Variants in LARP1B observed in about 807,000 individuals in gnomAD.
LARP1B encodes la-related protein 1B.
Under a neutral mutation model 114.2 loss-of-function variants are expected in LARP1B, and 76 were observed. The observed-to-expected ratio is 0.67, with a 90% CI of 0.55 to 0.81. The LOEUF (loss-of-function observed/expected upper bound fraction) is 0.81. Ranked by LOEUF, LARP1B falls within the 30% of genes least tolerant of loss-of-function variation. LARP1B has a pLI of 0.00. For missense variants in LARP1B, 1,014 were observed against 1,075.8 expected (o/e 0.94, Z 0.80); for synonymous variants, 345 against 348.0 (o/e 0.99, Z 0.10).
intron 8 of LARP1B, among the ~76,000 whole-genome samples, chr4:128,098,767 A>ATATATATATATAT (rs1328165907): frequency 1.7e-4 from 6 of 35,036 alleles, no homozygotes; most frequent in East Asian, 1.3e-3. Context: ...ATATATATAT[A>ATATATATATATAT]TTTTTTTTTT....
chr4:128,176,220 A>ATTTATATAAATATATAC (rs1745998022), intron 12 of LARP1B, among the ~76,000 whole-genome samples: 1 of 142,984 alleles, frequency 7.0e-6, no homozygotes, highest in Non-Finnish European at 1.5e-5. Flanking sequence ...TTTATATATA[A>ATTTATATAAATATATAC]ATTTATATAT....
upstream of LARP1B, among the ~76,000 whole-genome samples, chr4:128,060,966 T>A (rs927017574): frequency 1.3e-5 from 2 of 152,078 alleles, no homozygotes; most frequent in Non-Finnish European, 2.9e-5. Flanking sequence ...CCCAGCGCCA[T>A]GTGCGCGGCC....
chr4:128,221,097 T>C (rs1759988862), intron 7 of LARP1B, among the ~76,000 whole-genome samples: 2 of 152,170 alleles, frequency 1.3e-5, no homozygotes, highest in Admixed American at 1.3e-4. Context: ...ATGATAGGCA[T>C]CCTCTGCAGT....
At chr4:128,111,768 G>A (rs1363006808) in intron 9 of LARP1B, among the ~76,000 whole-genome samples, 1 of 151,914 alleles carries the variant, frequency 6.6e-6, no homozygotes, top group East Asian at 1.9e-4. Flanking sequence ...TGCAACCTCC[G>A]CCTCCTGGGT....
chr4:128,132,198 A>G (rs1791768106), intron 11 of LARP1B, among the ~76,000 whole-genome samples: 1 of 152,190 alleles, frequency 6.6e-6, no homozygotes, highest in Admixed American at 6.5e-5. Context: ...TATCCATACA[A>G]TAGAGTATTT....
At chr4:128,185,081 T>G (rs1331973185) in intron 15 of LARP1B, among the ~76,000 whole-genome samples, 1 of 152,224 alleles carries the variant, frequency 6.6e-6, no homozygotes, top group Non-Finnish European at 1.5e-5. Flanking sequence ...CATCCATTGA[T>G]AGACACTTAG....
chr4:128,079,765 A>C (rs1156744183), intron 4 of LARP1B, among the ~76,000 whole-genome samples: 20 of 149,410 alleles, frequency 1.3e-4, no homozygotes, highest in Non-Finnish European at 4.5e-5. Flanking sequence ...GGGTTTTGCC[A>C]TGTTGGCCAG....
At chr4:128,213,988 T>C (rs1005352004), downstream of LARP1B, among the ~76,000 whole-genome samples, 7 of 151,686 alleles carry the variant, frequency 4.6e-5, no homozygotes, top group South Asian at 4.2e-4. Context: ...TTGCCTCACC[T>C]GGGAAGCGCA....
At chr4:128,169,707 G>T (rs951027494) in intron 12 of LARP1B, among the ~76,000 whole-genome samples, 5 of 151,966 alleles carry the variant, frequency 3.3e-5, no homozygotes, top group Non-Finnish European at 7.4e-5. Context: ...TACAATCTCG[G>T]CTCACTGCCA....
At chr4:128,196,095 A>G (rs1269557079) in intron 15 of LARP1B, among the ~76,000 whole-genome samples, 1 of 151,842 alleles carries the variant, frequency 6.6e-6, no homozygotes, top group African/African-American at 2.4e-5. Context: ...TACTAAAAAT[A>G]CAAAAATTAG....
At chr4:128,213,497 T>G (rs1036527832), downstream of LARP1B, among the ~76,000 whole-genome samples, 1 of 152,154 alleles carries the variant, frequency 6.6e-6, no homozygotes, top group Non-Finnish European at 1.5e-5. Context: ...GTACTTTTTT[T>G]GGGTAAAATT....
chr4:128,135,996 A>T (rs574216602), intron 11 of LARP1B, among the ~76,000 whole-genome samples: 46 of 152,232 alleles, frequency 3.0e-4, no homozygotes, highest in Non-Finnish European at 6.2e-4. Flanking sequence ...ACCAAAAGAA[A>T]ACTTAATACA....
intron 11 of LARP1B, among the ~76,000 whole-genome samples, chr4:128,135,055 T>G (rs1792843253): frequency 4.6e-5 from 7 of 151,686 alleles, no homozygotes; most frequent in Admixed American, 4.6e-4. Context: ...TGAGCTGAGA[T>G]CGCACCACTG....
Position 128,074,924 on chromosome 4 carries a change from T to TA in LARP1B, c.-18-9dup, listed in dbSNP as rs1412776998. On this transcript the variant is annotated splice_polypyrimidine_tract_variant and intron_variant, in intron 2 of 19. Transcript: ENST00000326639. ...AATTTCAGACCTAACACTTATTTGTTACTTCTTAGGCTAGTGATTTCAGTG... is the reference window on the plus strand; with the variant it reads ...AATTTCAGACCTAACACTTATTTGTTAACTTCTTAGGCTAGTGATTTCAGTG... 1 of 1,584,564 alleles carries TA rather than the reference T, an allele frequency of 6.3e-7. No homozygotes were observed. Among genetic ancestry groups the TA allele is most frequent in the Non-Finnish European group, 8.6e-7 (1 of 1,156,792 alleles).
chr4:128,178,572 G>C lies in LARP1B; in HGVS notation c.1826G>C (p.Arg609Thr). Reference sequence around the variant, plus strand: ...ACACCCAAAACACCTCGAACACCTAGGTTACAAGATCCTAACAAAACACCA... The same window carrying C: ...ACACCCAAAACACCTCGAACACCTACGTTACAAGATCCTAACAAAACACCA... ...TRTPKTPRTPRLQDPNKTPRF... is the reference protein window; with the variant it reads ...TRTPKTPRTPTLQDPNKTPRF... The change falls in exon 14 of 20, where the codon AGG becomes ACG. Residue 609 changes from arginine (R) to threonine (T), a missense_variant. By Grantham distance (71) the Arg-to-Thr change is moderately conservative. Coordinates refer to ENST00000326639, the MANE Select transcript of LARP1B (RefSeq NM_018078.4). The C allele has an allele frequency of 1.9e-6, 3 of 1,613,964 alleles. No individual in the cohort carries two copies. Among genetic ancestry groups the C allele is most frequent in the Non-Finnish European group, 1.7e-6 (2 of 1,179,992 alleles).
At chr4:128,095,791 G>A (rs1435675537) in intron 7 of LARP1B, among the ~76,000 whole-genome samples, 2 of 151,844 alleles carry the variant, frequency 1.3e-5, no homozygotes, top group African/African-American at 4.8e-5. Context: ...AATGTGAGCT[G>A]GTTTGTTTTC....
At position 128,107,246 on chromosome 4, in the gene LARP1B, A is replaced by G. The variant is rs1173463688; in HGVS notation, c.921A>G (p.Pro307=). The G allele has an allele frequency of 6.2e-7, 1 of 1,614,080 alleles. No individual in the cohort carries two copies. The highest frequency in any genetic ancestry group is 1.3e-5 in the African/African-American group (1 of 74,934). Residue 307 remains proline, a synonymous_variant, in exon 9 of 20, where the codon CCA becomes CCG. Coordinates refer to ENST00000326639, the MANE Select transcript of LARP1B (RefSeq NM_018078.4). ...GCCCTCCTCCACGCAGTGTGCCACC[A>G]ACAGACTTCTCTCAACTGATTGATT... ...IPGPPPRSVP[P]TDFSQLIDCP...
chr4:128,149,953 C>T (rs1283527489), intron 11 of LARP1B, among the ~76,000 whole-genome samples: 1 of 152,168 alleles, frequency 6.6e-6, no homozygotes, highest in Non-Finnish European at 1.5e-5. Flanking sequence ...GAGTTCGAGA[C>T]CATCCTGGCC....
At chr4:128,135,390 TATC>T (rs1793045195) in intron 11 of LARP1B, among the ~76,000 whole-genome samples, 1 of 152,010 alleles carries the variant, frequency 6.6e-6, no homozygotes, top group African/African-American at 2.4e-5. Context: ...AGGATAGAAA[TATC>T]ATGTTATCCA....
Sources: allele counts gnomAD v4.1 joint callset (sites outside exome capture counted in the v4.1 genomes callset), GRCh38; gene constraint gnomAD v4.1.1; transcripts MANE v1.5; gene names NCBI Gene and HGNC (gene_info 2026-07-23, HGNC 2026-07-21).